Variants in THSD7A observed in about 807,000 individuals in gnomAD.
THSD7A encodes thrombospondin type 1 domain containing 7A, also known as thrombospondin type-1 domain-containing protein 7A.
A neutral mutation model predicts 231.3 loss-of-function variants in THSD7A; 96 were observed. The ratio of observed to expected loss-of-function variants is 0.41; its 90% CI spans 0.35 to 0.49. The LOEUF (loss-of-function observed/expected upper bound fraction) is 0.49. THSD7A is among the 20% of genes least tolerant of loss of function. THSD7A has a pLI of 0.05. For synonymous variants in THSD7A, 940 were observed against 743.3 expected, an observed-to-expected ratio of 1.26 and a Z score of -4.30; for missense variants, 2,290 against 2,070.2, an observed-to-expected ratio of 1.11 and a Z score of -2.06.
At chr7:11,725,518 G>A (rs998923925) in intron 1 of THSD7A, among the ~76,000 whole-genome samples, 22 of 151,914 alleles carry the variant, frequency 1.4e-4, no homozygotes, top group African/African-American at 2.2e-4. Flanking sequence ...TGCCATTAAC[G>A]TAGATCCAGA....
At chr7:11,776,456 T>C (rs1783407681) in intron 1 of THSD7A, among the ~76,000 whole-genome samples, 1 of 152,202 alleles carries the variant, frequency 6.6e-6, no homozygotes, top group African/African-American at 2.4e-5. Flanking sequence ...CCTACCCTTA[T>C]TATCTAGTCT....
At chr7:11,502,699 C>T (rs1395422031) in intron 6 of THSD7A, among the ~76,000 whole-genome samples, 16 of 152,080 alleles carry the variant, frequency 1.1e-4, no homozygotes, top group Non-Finnish European at 1.5e-5. Flanking sequence ...AAGGGAATCC[C>T]ATTCACAATT....
chr7:11,812,756 G>A (rs1784570555), intron 1 of THSD7A, among the ~76,000 whole-genome samples: 1 of 152,100 alleles, frequency 6.6e-6, no homozygotes, highest in Non-Finnish European at 1.5e-5. Context: ...TCAAAATATT[G>A]AAGCATACTT....
At chr7:11,614,524 C>T (rs1781041295) in intron 2 of THSD7A, among the ~76,000 whole-genome samples, 1 of 152,136 alleles carries the variant, frequency 6.6e-6, no homozygotes, top group Admixed American at 6.6e-5. Context: ...GATCTACAAG[C>T]TCAAATCAAG....
At position 11,379,209 on chromosome 7, in the gene THSD7A, T is replaced by C. The variant is rs1440041061; in HGVS notation, c.4662A>G (p.Thr1554=). 6.2e-7 allele frequency: 1 copy of C among 1,613,654 alleles called. No individual in the cohort carries two copies. Among genetic ancestry groups the C allele is most frequent in the Non-Finnish European group, 8.5e-7 (1 of 1,179,668 alleles). ...MSSNSTLEQC[T]LIPVVVLPTM... ...TGGGTAATACCACCACGGGGATAAG[T>C]GTGCATTGCTCAAGGGTGCTGTTAG... The change falls in exon 26 of 28, where the codon ACA becomes ACG. Residue 1554 remains threonine (T), a synonymous_variant. Transcript: ENST00000423059.
rs549818065 is a variant in THSD7A at position 11,636,043 on chromosome 7, A to G, written c.1022+87T>C. ...CCTAGGTTGTGCCCCTACGTAATCCAGAAGTTATTAGATAGTACCGGATAT... is the reference window on the plus strand; with the variant it reads ...CCTAGGTTGTGCCCCTACGTAATCCGGAAGTTATTAGATAGTACCGGATAT... On this transcript the variant is annotated intron_variant, in intron 2 of 27. Coordinates refer to ENST00000423059, the MANE Select transcript of THSD7A (RefSeq NM_015204.3). The surrounding 1 kb of genome is among the most constrained non-coding windows in gnomAD (Gnocchi z 10.0). 6.2e-6 allele frequency: 8 copies of G among 1,286,330 alleles called. No individual in the cohort carries two copies. Among genetic ancestry groups the G allele is most frequent in the South Asian group, 4.4e-5 (3 of 67,516 alleles). The allele number at this position is 1,286,330 out of a possible 1,614,324, so 79.7% of individuals were successfully genotyped here.
intron 1 of THSD7A, among the ~76,000 whole-genome samples, chr7:11,729,938 G>A (rs10248690): frequency 0.83 from 126,325 of 151,638 alleles, 53,199 homozygotes; most frequent in African/African-American, 0.95. Flanking sequence ...AAGTCTTCCA[G>A]TCCTTTTGCC....
At chr7:11,393,236 C>T (rs1379381126) in intron 23 of THSD7A, among the ~76,000 whole-genome samples, 1 of 152,168 alleles carries the variant, frequency 6.6e-6, no homozygotes, top group Admixed American at 6.6e-5. Flanking sequence ...TTGGTGATAT[C>T]CAGGCAAACA....
In THSD7A at chr7:11,831,786, T is replaced by A; in HGVS notation, c.161A>T (p.Glu54Val). The change falls in exon 1 of 28, where the codon GAG becomes GTG. Residue 54 changes from glutamate (E) to valine (V), a missense_variant. Transcript: ENST00000423059. The surrounding 1 kb of genome is among the most constrained non-coding windows in gnomAD (Gnocchi z 5.0). ...AGRAAAQGEA[E>V]APTLYLWKTG... ...CTTCCACAGATAGAGGGTGGGCGCCTCCGCCTCGCCCTGCGCCGCAGCCCT... is the reference window on the plus strand; with the variant it reads ...CTTCCACAGATAGAGGGTGGGCGCCACCGCCTCGCCCTGCGCCGCAGCCCT... The A allele has an allele frequency of 6.8e-7, 1 of 1,478,642 alleles. No individual in the cohort carries two copies. The highest frequency in any genetic ancestry group is 1.4e-5 in the South Asian group (1 of 71,924). 91.6% of individuals were successfully genotyped at this position (1,478,642 alleles called of 1,614,324 possible). A position where few individuals can be genotyped will look rare whatever the true frequency, so the allele number is the denominator to read the frequency against.
At chr7:11,658,686 A>G (rs1408386912) in intron 1 of THSD7A, among the ~76,000 whole-genome samples, 2 of 151,756 alleles carry the variant, frequency 1.3e-5, no homozygotes, top group Non-Finnish European at 2.9e-5. Flanking sequence ...GTAGATAAGC[A>G]GAGTTTCAGG....
At chr7:11,415,474 TATCA>T (rs1386788195) in intron 17 of THSD7A, among the ~76,000 whole-genome samples, 1 of 152,230 alleles carries the variant, frequency 6.6e-6, no homozygotes, top group Non-Finnish European at 1.5e-5. Flanking sequence ...ACACTGATGC[TATCA>T]ATCACAAGCT....
intron 1 of THSD7A, among the ~76,000 whole-genome samples, chr7:11,770,885 A>T (rs1783201738): frequency 6.6e-6 from 1 of 151,978 alleles, no homozygotes; most frequent in Non-Finnish European, 1.5e-5. Context: ...TTTACTTTTT[A>T]AAAAATCAAA....
At chr7:11,539,467 C>T (rs373227670) in intron 6 of THSD7A, among the ~76,000 whole-genome samples, 10 of 152,008 alleles carry the variant, frequency 6.6e-5, no homozygotes, top group African/African-American at 9.7e-5. Context: ...AAATTCATTC[C>T]GTTTGTGATG....
intron 1 of THSD7A, among the ~76,000 whole-genome samples, chr7:11,745,322 C>T (rs552974028): frequency 6.6e-6 from 1 of 152,006 alleles, no homozygotes; most frequent in South Asian, 2.1e-4. Context: ...TGTTTGAGTT[C>T]ATTGTGGATT....
chr7:11,805,352 T>C (rs1784372798), intron 1 of THSD7A, among the ~76,000 whole-genome samples: 1 of 152,184 alleles, frequency 6.6e-6, no homozygotes, highest in Non-Finnish European at 1.5e-5. Context: ...CCAATAAAAG[T>C]ATATCTACTT....
At chr7:11,672,364 C>A (rs1333288701) in intron 1 of THSD7A, among the ~76,000 whole-genome samples, 1 of 104,210 alleles carries the variant, frequency 9.6e-6, no homozygotes, top group African/African-American at 3.1e-5. Flanking sequence ...AAATTTACTG[C>A]ATTAAAAAAT....
intron 1 of THSD7A, among the ~76,000 whole-genome samples, chr7:11,750,768 TA>T (rs1782475017): frequency 6.6e-6 from 1 of 151,816 alleles, no homozygotes; most frequent in Non-Finnish European, 1.5e-5. Flanking sequence ...ACGGCAGAAA[TA>T]AAGGACAAAT....
At chr7:11,460,552 A>G (rs1785467656) in intron 11 of THSD7A, 110 bp downstream of exon 11, 9 of 737,992 alleles carry the variant, frequency 1.2e-5, no homozygotes, top group Admixed American at 3.1e-5. Flanking sequence ...TAGCAGATTT[A>G]TATCTGCTTT....
At chr7:11,399,361 G>A (rs1017174330) in intron 23 of THSD7A, among the ~76,000 whole-genome samples, 1 of 152,014 alleles carries the variant, frequency 6.6e-6, no homozygotes, top group South Asian at 2.1e-4. Context: ...TTTATTTATG[G>A]TAATGACAAC....
Sources: gnomAD v4.1 joint callset for allele counts (sites outside exome capture counted in the v4.1 genomes callset) on GRCh38, gnomAD v4.1.1 for gene constraint, Gnocchi (gnomAD v3.1) non-coding constraint, MANE v1.5 for transcripts, NCBI Gene and HGNC (gene_info 2026-07-23, HGNC 2026-07-21) for gene names.